NGLY1: variants seen among roughly 807,000 people sequenced by gnomAD.
The protein encoded by NGLY1 is N-glycanase 1, also known as peptide-N(4)-(N-acetyl-beta-glucosaminyl)asparagine amidase.
In NGLY1, 68 loss-of-function variants were observed where a neutral mutation model predicts 84.6. The ratio of observed to expected loss-of-function variants is 0.80; its 90% CI spans 0.66 to 0.98. The LOEUF is 0.98. NGLY1 is among the 50% of genes least tolerant of loss of function. The pLI, the probability that NGLY1 is intolerant of heterozygous loss-of-function variation, is 0.00. For missense variants in NGLY1, 779 were observed against 770.2 expected (o/e 1.01, Z -0.14); for synonymous variants, 280 against 275.2 (o/e 1.02, Z -0.17).
At chr3:25,787,148 C>T (rs115782720), upstream of NGLY1, among the ~76,000 whole-genome samples, 1 of 152,152 alleles carries the variant, frequency 6.6e-6, no homozygotes, top group African/African-American at 2.4e-5. Flanking sequence ...TTGAGAACTA[C>T]TAGTTTAGAG....
chr3:25,781,709 C>G (rs1708428411), intron 1 of NGLY1, among the ~76,000 whole-genome samples: 1 of 152,148 alleles, frequency 6.6e-6, no homozygotes, highest in Non-Finnish European at 1.5e-5. Flanking sequence ...AAACGAAAAT[C>G]AGCAACGAGC....
chr3:25,774,294 A>G lies in NGLY1; in HGVS notation c.246+4280T>C, dbSNP rs562905435. Among the ~76,000 whole-genome samples the G allele has an allele frequency of 3.3e-5, 5 of 152,326 alleles. No homozygotes were observed. In the East Asian group the frequency reaches 5.8e-4, roughly 18 times the overall value. Reference sequence around the variant, plus strand: ...GACAGCATCAGCTGCAGTAGTATCAAGAAGATGTAAGCTTGCCCTAGGGTT... The same window carrying G: ...GACAGCATCAGCTGCAGTAGTATCAGGAAGATGTAAGCTTGCCCTAGGGTT... On this transcript the variant is annotated intron_variant, in intron 2 of 11. Transcript: ENST00000280700.
At chr3:25,742,850 C>T (rs1262692419) in intron 4 of NGLY1, among the ~76,000 whole-genome samples, 1 of 121,420 alleles carries the variant, frequency 8.2e-6, no homozygotes, top group Non-Finnish European at 1.6e-5. Context: ...ATGTCCTAAT[C>T]ACTGTAGCCT....
At chr3:25,786,450 T>C (rs1708605289), upstream of NGLY1, among the ~76,000 whole-genome samples, 1 of 152,134 alleles carries the variant, frequency 6.6e-6, no homozygotes, top group Non-Finnish European at 1.5e-5. Context: ...GAACAAGAAT[T>C]TCAATGCTGA....
At chr3:25,762,001 G>A (rs1261313216) in intron 3 of NGLY1, among the ~76,000 whole-genome samples, 2 of 152,080 alleles carry the variant, frequency 1.3e-5, no homozygotes, top group East Asian at 3.9e-4. Context: ...AAAGTAGCAA[G>A]ATTAACTTTC....
chr3:25,770,493 A>C (rs1371482342), intron 2 of NGLY1, among the ~76,000 whole-genome samples: 5 of 152,248 alleles, frequency 3.3e-5, no homozygotes, highest in Non-Finnish European at 5.9e-5. Flanking sequence ...GATTGATTCC[A>C]TATTTTTGCA....
At chr3:25,769,406 A>G (rs974666926) in intron 2 of NGLY1, among the ~76,000 whole-genome samples, 1 of 152,194 alleles carries the variant, frequency 6.6e-6, no homozygotes, top group Admixed American at 6.5e-5. Context: ...ATCTGAATAG[A>G]CATTTCTCAA....
chr3:25,776,929 C>CA (rs200487086), intron 2 of NGLY1, among the ~76,000 whole-genome samples: 3,137 of 152,236 alleles, frequency 0.021, 103 homozygotes, highest in African/African-American at 0.072. Flanking sequence ...ACAGAAATGA[C>CA]AAAAAACCCT....
chr3:25,776,374 A>G (rs1444703421), intron 2 of NGLY1, among the ~76,000 whole-genome samples: 1 of 152,220 alleles, frequency 6.6e-6, no homozygotes, highest in East Asian at 1.9e-4. Flanking sequence ...AAATGGGTAG[A>G]GTCTTCCGTT....
chr3:25,778,595 T>C lies in NGLY1; in HGVS notation c.225A>G (p.Leu75=). Residue 75 remains leucine (L), a synonymous_variant, in exon 2 of 12, where the codon TTA becomes TTG. Transcript: ENST00000280700. ...LLPVRGAVEC[L]FEMGFEEGET... is the part of the protein sequence containing the mutation. ...TTACCTCTTCAAAGCCCATTTCAAA[T>C]AAACATTCAACAGCTCCTCTGACAG... The C allele has an allele frequency of 1.2e-6, 2 of 1,610,276 alleles. No individual in the cohort carries two copies. Among genetic ancestry groups the C allele is most frequent in the Non-Finnish European group, 1.7e-6 (2 of 1,177,778 alleles).
intron 3 of NGLY1, among the ~76,000 whole-genome samples, chr3:25,753,053 C>T (rs1175387333): frequency 6.6e-6 from 1 of 151,484 alleles, no homozygotes; most frequent in African/African-American, 2.4e-5. Flanking sequence ...CAAAAAAAAA[C>T]AGAAATAAAT....
rs374518225 is a variant in NGLY1, at chr3:25,768,220, C to A, written c.247-3909G>T. Among the ~76,000 whole-genome samples the A allele has an allele frequency of 3.5e-4, 51 of 147,384 alleles. No homozygotes were observed. The East Asian group carries it at 7.0e-3, about 20-fold the overall frequency. On this transcript the variant is annotated intron_variant, in intron 2 of 11. Coordinates refer to ENST00000280700, the MANE Select transcript of NGLY1 (RefSeq NM_018297.4). ...GGTGAATCACCTGAGGTCAGGAGTTCAATACCAGCCTGGCCAACATGGTGA... is the reference window on the plus strand; with the variant it reads ...GGTGAATCACCTGAGGTCAGGAGTTAAATACCAGCCTGGCCAACATGGTGA...
chr3:25,768,605 C>T (rs1399290703), intron 2 of NGLY1, among the ~76,000 whole-genome samples: 6 of 143,164 alleles, frequency 4.2e-5, no homozygotes, highest in East Asian at 2.1e-4. Flanking sequence ...ACTGTGTCGC[C>T]GAGGCTGGAG....
intron 4 of NGLY1, among the ~76,000 whole-genome samples, chr3:25,748,550 T>C (rs1706561893): frequency 6.6e-6 from 1 of 152,222 alleles, no homozygotes; most frequent in South Asian, 2.1e-4. Context: ...TTACATGTAT[T>C]TTTTCATTTA....
At chr3:25,721,781 A>T (rs1705008492) in intron 10 of NGLY1, among the ~76,000 whole-genome samples, 1 of 150,906 alleles carries the variant, frequency 6.6e-6, no homozygotes, top group Non-Finnish European at 1.5e-5. Context: ...AAAAGAAAAG[A>T]AAAAATCCTC....
chr3:25,760,563 A>G (rs971223523), intron 3 of NGLY1, among the ~76,000 whole-genome samples: 2 of 152,184 alleles, frequency 1.3e-5, no homozygotes, highest in African/African-American at 4.8e-5. Context: ...TTCTTCTCTT[A>G]CAAAGCTAGC....
rs1019742195 is a variant in NGLY1 at position 25,755,302 on chromosome 3, T to C, written c.493-4039A>G. The C allele has an allele frequency of 1.0e-5, 14 of 1,361,254 alleles. No individual in the cohort carries two copies. In the Middle Eastern group the frequency reaches 6.2e-4, roughly 60 times the overall value. The allele number at this position is 1,361,254 out of a possible 1,614,324, so 84.3% of individuals were successfully genotyped here. On this transcript the variant is annotated intron_variant, in intron 3 of 11. Coordinates refer to ENST00000280700, the MANE Select transcript of NGLY1 (RefSeq NM_018297.4). ...GATACTGCTTAACAGCTCCAAACTA[T>C]AGGCTGAAGTCCTTAATTAAAAAGG...
intron 2 of NGLY1, among the ~76,000 whole-genome samples, chr3:25,774,698 C>T (rs536969895): frequency 2.0e-5 from 3 of 152,094 alleles, no homozygotes; most frequent in Admixed American, 2.0e-4. Context: ...GAGATTTTGC[C>T]CCAGGCTACA....
chr3:25,724,888 G>T (rs1360538862), intron 10 of NGLY1, among the ~76,000 whole-genome samples: 1 of 152,148 alleles, frequency 6.6e-6, no homozygotes, highest in Non-Finnish European at 1.5e-5. Context: ...TATACCTCCA[G>T]ATTTTCATTC....
Sources: allele counts gnomAD v4.1 joint callset (sites outside exome capture counted in the v4.1 genomes callset), GRCh38; gene constraint gnomAD v4.1.1; transcripts MANE v1.5; gene names NCBI Gene and HGNC (gene_info 2026-07-23, HGNC 2026-07-21).